RXRA: variants seen among roughly 807,000 people sequenced by gnomAD.
RXRA encodes retinoid X receptor alpha.
Under a neutral mutation model 44.5 loss-of-function variants are expected in RXRA, and 5 were observed. The observed-to-expected ratio is 0.11, with a 90% CI of 0.06 to 0.24. The LOEUF (loss-of-function observed/expected upper bound fraction) is 0.24, where lower values mean the gene tolerates loss of function less well. RXRA is among the 10% of genes least tolerant of loss of function. The pLI, the probability that RXRA is intolerant of heterozygous loss-of-function variation, is 1.00. For synonymous variants in RXRA, 291 were observed against 271.4 expected (o/e 1.07, Z -0.71); for missense variants, 412 against 646.5 (o/e 0.64, Z 3.93).
At position 134,362,435 on chromosome 9, in the gene RXRA, A is replaced by C. The variant is rs531448620; in HGVS notation, c.28+35776A>C. On this transcript the variant is annotated intron_variant, in intron 1 of 9. Coordinates refer to ENST00000481739, the MANE Select transcript of RXRA (RefSeq NM_002957.6). Reference sequence around the variant, plus strand: ...GCCCGCGTTTCTCCATTCATGCCACAAACTGTGTTTCCAGCGGCTTGTCCA... The same window carrying C: ...GCCCGCGTTTCTCCATTCATGCCACCAACTGTGTTTCCAGCGGCTTGTCCA... Among the ~76,000 whole-genome samples the C allele has an allele frequency of 2.0e-5, 3 of 152,306 alleles. No individual in the cohort carries two copies. The East Asian group carries it at 5.8e-4, about 29-fold the overall frequency.
At chr9:134,351,955 T>C (rs1175033113) in intron 1 of RXRA, among the ~76,000 whole-genome samples, 1 of 152,152 alleles carries the variant, frequency 6.6e-6, no homozygotes, top group Non-Finnish European at 1.5e-5. Flanking sequence ...GGCATATGTG[T>C]GTTGGGACCA....
At chr9:134,333,795 G>A (rs914915828) in intron 1 of RXRA, among the ~76,000 whole-genome samples, 1 of 152,194 alleles carries the variant, frequency 6.6e-6, no homozygotes, top group Non-Finnish European at 1.5e-5. Flanking sequence ...GGAGTCGCTG[G>A]GGTGGGCTCC....
Position 134,408,945 on chromosome 9 carries a change from C to G in RXRA, c.436C>G (p.His146Asp). The G allele has an allele frequency of 6.4e-7, 1 of 1,568,864 alleles. No homozygotes were observed. The highest frequency in any genetic ancestry group is 8.6e-7 in the Non-Finnish European group (1 of 1,156,570). ...AICGDRSSGK[H>D]YGVYSCEGCK... ...TGCTCTGCCCTGTCCCGCAGGCAAGCACTATGGAGTGTACAGCTGCGAGGG... is the reference window on the plus strand; with the variant it reads ...TGCTCTGCCCTGTCCCGCAGGCAAGGACTATGGAGTGTACAGCTGCGAGGG... The change falls in exon 4 of 10, where the codon CAC becomes GAC. Residue 146 changes from histidine (H) to aspartate (D), a missense_variant. By Grantham distance (81) the His-to-Asp change is moderately conservative. Coordinates refer to ENST00000481739, the MANE Select transcript of RXRA (RefSeq NM_002957.6).
intron 1 of RXRA, among the ~76,000 whole-genome samples, chr9:134,384,811 G>A (rs938724389): frequency 3.9e-5 from 6 of 152,224 alleles, no homozygotes; most frequent in African/African-American, 1.2e-4. Context: ...GGGTTTCCCT[G>A]TGCTCAGGCG....
chr9:134,367,203 G>A (rs951838184), intron 1 of RXRA, among the ~76,000 whole-genome samples: 3 of 152,076 alleles, frequency 2.0e-5, no homozygotes, highest in Non-Finnish European at 2.9e-5. Context: ...GCAGTGCCCC[G>A]CCTGACCCCA....
chr9:134,336,806 G>T (rs1273086355), intron 1 of RXRA, among the ~76,000 whole-genome samples: 2 of 152,244 alleles, frequency 1.3e-5, no homozygotes, highest in African/African-American at 4.8e-5. Flanking sequence ...TGTGACGGGT[G>T]AGCCCGTTCC....
intron 1 of RXRA, among the ~76,000 whole-genome samples, chr9:134,362,274 T>C (rs1005151733): frequency 1.3e-5 from 2 of 152,148 alleles, no homozygotes; most frequent in African/African-American, 4.8e-5. Flanking sequence ...CAGCAAGCCT[T>C]GACCCTGAAC....
intron 1 of RXRA, among the ~76,000 whole-genome samples, chr9:134,396,494 A>G (rs949860088): frequency 4.6e-5 from 7 of 151,818 alleles, no homozygotes; most frequent in Admixed American, 6.6e-5. Context: ...GCTGCTTGCA[A>G]CGGGGTTTCA....
chr9:134,349,728 AG>A lies in RXRA; in HGVS notation c.28+23072del, dbSNP rs1441385319. Among the ~76,000 whole-genome samples the A allele has an allele frequency of 1.5e-5, 2 of 137,864 alleles. No individual in the cohort carries two copies. Among genetic ancestry groups the A allele is most frequent in the Non-Finnish European group, 3.0e-5 (2 of 66,100 alleles). 90.4% of individuals were successfully genotyped at this position (137,864 alleles called of 152,430 possible). On this transcript the variant is annotated intron_variant, in intron 1 of 9. Transcript: ENST00000481739. The surrounding 1 kb of genome is among the most constrained non-coding windows in gnomAD (Gnocchi z 4.3). ...TGAATGCCTGTCTCCCTGGAGGCGC[AG>A]GGCTGTGCACAGGATTCCCCAGGGC...
At chr9:134,398,620 G>T (rs1830915166) in intron 1 of RXRA, among the ~76,000 whole-genome samples, 1 of 152,150 alleles carries the variant, frequency 6.6e-6, no homozygotes, top group Non-Finnish European at 1.5e-5. Flanking sequence ...CTGGAAGGCT[G>T]TCCCAGAAAC....
chr9:134,368,403 C>T (rs140649102), intron 1 of RXRA, among the ~76,000 whole-genome samples: 564 of 152,364 alleles, frequency 3.7e-3, no homozygotes, highest in Non-Finnish European at 5.5e-3. Context: ...TGGGGGCCAC[C>T]GGGTCCTTCC....
At chr9:134,391,185 C>G (rs1830794042) in intron 1 of RXRA, among the ~76,000 whole-genome samples, 1 of 152,186 alleles carries the variant, frequency 6.6e-6, no homozygotes, top group African/African-American at 2.4e-5. Flanking sequence ...CATCCTCTGC[C>G]CTGATCATTT....
chr9:134,385,318 T>TC (rs1179226402), intron 1 of RXRA, among the ~76,000 whole-genome samples: 1 of 152,184 alleles, frequency 6.6e-6, no homozygotes, highest in African/African-American at 2.4e-5. Flanking sequence ...AAGAAAGCCC[T>TC]CGTTGTGTGG....
chr9:134,361,105 A>T (rs2119062944), intron 1 of RXRA, among the ~76,000 whole-genome samples: 1 of 152,292 alleles, frequency 6.6e-6, no homozygotes, highest in Admixed American at 6.5e-5. Flanking sequence ...CTTCGCTGTC[A>T]GACTGGACTG....
At chr9:134,423,557 C>T in intron 6 of RXRA, 1 of 985,320 alleles carries the variant, frequency 1.0e-6, no homozygotes, top group Non-Finnish European at 1.2e-6. Flanking sequence ...AAGGACTCTT[C>T]TGGCCATACT....
chr9:134,406,126 G>A (rs2119151835), intron 2 of RXRA: 1 of 152,458 alleles, frequency 6.6e-6, no homozygotes, highest in South Asian at 2.1e-4. Context: ...TGGGCATGGT[G>A]GCTCAACGCC....
intron 1 of RXRA, among the ~76,000 whole-genome samples, chr9:134,381,130 G>A (rs1564278183): frequency 6.6e-6 from 1 of 152,192 alleles, no homozygotes; most frequent in Non-Finnish European, 1.5e-5. Flanking sequence ...ACTGATTTGA[G>A]GAAGGACAGA....
intron 1 of RXRA, among the ~76,000 whole-genome samples, chr9:134,353,036 G>T (rs530809122): frequency 1.3e-5 from 2 of 152,084 alleles, no homozygotes; most frequent in Non-Finnish European, 2.9e-5. Flanking sequence ...CTCTGGGCTG[G>T]CCTCTGGGGG....
In RXRA at chr9:134,417,432, G is replaced by T. The variant is rs1312696443; in HGVS notation, c.780+105G>T. ...CTGATGAGCCAGAGAGGTCCTGGGG[G>T]CTGCCCTGGGCCCTGTGGCTGCCTC... On this transcript the variant is annotated intron_variant, in intron 5 of 9. Coordinates refer to ENST00000481739, the MANE Select transcript of RXRA (RefSeq NM_002957.6). The surrounding 1 kb of genome is among the most constrained non-coding windows in gnomAD (Gnocchi z 6.1). 108 of 1,326,142 alleles carry T rather than the reference G, an allele frequency of 8.1e-5. No homozygotes were observed. Among genetic ancestry groups the T allele is most frequent in the Non-Finnish European group, 1.0e-4 (102 of 971,562 alleles). 82.1% of individuals were successfully genotyped at this position (1,326,142 alleles called of 1,614,324 possible).
Sources: gnomAD v4.1 joint callset for allele counts (sites outside exome capture counted in the v4.1 genomes callset) on GRCh38, gnomAD v4.1.1 for gene constraint, Gnocchi (gnomAD v3.1) non-coding constraint, MANE v1.5 for transcripts, NCBI Gene and HGNC (gene_info 2026-07-23, HGNC 2026-07-21) for gene names.